TENM1: variants seen among roughly 807,000 people sequenced by gnomAD.
TENM1 encodes the protein teneurin transmembrane protein 1.
In TENM1, 35 loss-of-function variants were observed where a neutral mutation model predicts 174.8. That is an observed-to-expected ratio of 0.20 (90% CI 0.15 to 0.27). TENM1 has a LOEUF of 0.27. TENM1 is among the 10% of genes least tolerant of loss of function. The pLI, the probability that TENM1 is intolerant of heterozygous loss-of-function variation, is 1.00. For synonymous variants in TENM1, 781 were observed against 798.7 expected (o/e 0.98, Z 0.37); for missense variants, 1,633 against 2,130.1 (o/e 0.77, Z 4.59).
At chrX:124,545,066 G>T (rs760782300) in intron 15 of TENM1, among the ~76,000 whole-genome samples, 1 of 111,986 alleles carries the variant, frequency 8.9e-6, no homozygotes, top group Non-Finnish European at 1.9e-5. Flanking sequence ...AGAGGAAATA[G>T]AATTAGATTG....
chrX:124,399,895 C>T (rs1434025223), intron 27 of TENM1, among the ~76,000 whole-genome samples: 1 of 111,438 alleles, frequency 9.0e-6, no homozygotes, highest in Admixed American at 9.5e-5. Context: ...TCGCTTGAGC[C>T]CGGGAGTTAG....
chrX:124,845,236 C>T (rs1185013015), intron 3 of TENM1, among the ~76,000 whole-genome samples: 1 of 111,748 alleles, frequency 8.9e-6, no homozygotes, highest in Non-Finnish European at 1.9e-5. Context: ...TTAACTAAGA[C>T]ACATATCCAG....
chrX:124,430,341 C>G (rs1237118855), intron 23 of TENM1, among the ~76,000 whole-genome samples: 7 of 112,095 alleles, frequency 6.2e-5, no homozygotes, highest in Non-Finnish European at 1.3e-4. Context: ...TAGTTAGGAC[C>G]TCAGGCTCAC....
intron 25 of TENM1, among the ~76,000 whole-genome samples, chrX:124,412,701 A>G (rs150710368): frequency 1.6e-3 from 180 of 112,604 alleles, no homozygotes; most frequent in African/African-American, 5.5e-3. Context: ...ATGTCCTTCT[A>G]TCTTCATTTG....
At chrX:124,999,379 T>C in the TENM1 span, among the ~76,000 whole-genome samples, 1 of 110,733 alleles carries the variant, frequency 9.0e-6, no homozygotes, top group African/African-American at 3.3e-5. Flanking sequence ...AAGGGCTTCA[T>C]GGAAGGAAGT....
chrX:124,695,534 C>A (rs1230868866), intron 5 of TENM1, among the ~76,000 whole-genome samples: 1 of 111,011 alleles, frequency 9.0e-6, no homozygotes, highest in Non-Finnish European at 1.9e-5. Context: ...ATGACCTCAG[C>A]CTCATTAGCG....
At chrX:125,156,659 T>A in the TENM1 span, among the ~76,000 whole-genome samples, 2 of 112,243 alleles carry the variant, frequency 1.8e-5, no homozygotes, top group Non-Finnish European at 3.8e-5. Context: ...CAGTCCATCA[T>A]GGATGGACAT....
chrX:124,645,299 C>T (rs969562115), exon 10 of TENM1: 5 of 1,209,730 alleles, frequency 4.1e-6, no homozygotes, highest in Non-Finnish European at 5.6e-6. Context: ...TGTCCTTTCT[C>T]GTATTCTCCA....
upstream of TENM1, among the ~76,000 whole-genome samples, chrX:124,966,661 C>CAA (rs752282277): frequency 6.5e-5 from 4 of 61,577 alleles, no homozygotes; most frequent in Admixed American, 2.0e-4. Flanking sequence ...GACTCCGTCT[C>CAA]AAAAAAAAAA....
intron 11 of TENM1, among the ~76,000 whole-genome samples, chrX:124,570,239 T>C (rs1231550781): frequency 9.0e-6 from 1 of 111,321 alleles, no homozygotes; most frequent in Non-Finnish European, 1.9e-5. Context: ...AATTCCAGTC[T>C]CAGATGACTT....
chrX:124,870,017 G>T (rs2057080074), intron 3 of TENM1, among the ~76,000 whole-genome samples: 1 of 111,501 alleles, frequency 9.0e-6, no homozygotes, highest in South Asian at 3.8e-4. Context: ...TGCTTGAGGG[G>T]ATGGATACCC....
At chrX:124,379,798 A>C (rs1449630960) in exon 32 of TENM1, 1 of 111,906 alleles carries the variant, frequency 8.9e-6, no homozygotes, top group Non-Finnish European at 1.9e-5. Context: ...TTAGTAAAAA[A>C]TTGAGTCAAA....
chrX:124,821,295 G>A (rs2056032108), intron 3 of TENM1, among the ~76,000 whole-genome samples: 1 of 111,783 alleles, frequency 8.9e-6, no homozygotes, highest in African/African-American at 3.3e-5. Flanking sequence ...ACAGGATAGA[G>A]AATGAAAAGT....
At chrX:124,624,880 C>T (rs557747654) in intron 11 of TENM1, among the ~76,000 whole-genome samples, 2 of 112,457 alleles carry the variant, frequency 1.8e-5, no homozygotes, top group South Asian at 7.3e-4. Context: ...GCTTCAAAAG[C>T]TTTGCCTCCT....
At chrX:124,763,886 G>A (rs1206609879) in intron 3 of TENM1, among the ~76,000 whole-genome samples, 2 of 112,031 alleles carry the variant, frequency 1.8e-5, no homozygotes, top group African/African-American at 6.5e-5. Flanking sequence ...TATTGTAACC[G>A]TGTCACCTTG....
In TENM1 at chrX:124,765,515, T is replaced by C. The variant is rs780510095; in HGVS notation, c.536-28318A>G. 1.5e-3 allele frequency among the ~76,000 whole-genome samples: 169 copies of C among 112,181 alleles called. 1 individual carries two copies. The highest frequency in any genetic ancestry group is 4.7e-3 in the African/African-American group (144 of 30,953). ...AGTCATCCTCAAATCATATTGAATTTCCATCCATTTTTAGCAAGGCAAGAA... is the reference window on the plus strand; with the variant it reads ...AGTCATCCTCAAATCATATTGAATTCCCATCCATTTTTAGCAAGGCAAGAA... On this transcript the variant is annotated intron_variant, in intron 3 of 31. Coordinates refer to ENST00000422452, the Ensembl canonical transcript of TENM1.
At chrX:124,443,044 ATGTGTGTGTGTGTGTGTGTGTGTG>A (rs59365041) in intron 23 of TENM1, among the ~76,000 whole-genome samples, 707 of 51,948 alleles carry the variant, frequency 0.014, 13 homozygotes, top group South Asian at 0.047. Flanking sequence ...CTGGATGACT[ATGTGTGTGTGTGTGTGTGTGTGTG>A]TGTGTGTGTG....
At chrX:124,480,872 G>A (rs747127870) in intron 22 of TENM1, among the ~76,000 whole-genome samples, 160 of 111,361 alleles carry the variant, frequency 1.4e-3, no homozygotes, top group Middle Eastern at 4.7e-3. Flanking sequence ...AGAAGGAACT[G>A]AGAAGAGCAG....
intron 23 of TENM1, among the ~76,000 whole-genome samples, chrX:124,433,623 GA>G (rs1275178126): frequency 9.1e-6 from 1 of 109,709 alleles, no homozygotes; most frequent in African/African-American, 3.3e-5. Context: ...AACGTTTGTT[GA>G]ATGAAAATAT....
Sources: allele counts gnomAD v4.1 joint callset (sites outside exome capture counted in the v4.1 genomes callset), GRCh38; gene constraint gnomAD v4.1.1; transcripts MANE v1.5; gene names NCBI Gene and HGNC (gene_info 2026-07-23, HGNC 2026-07-21).